Variants in TAFA1 observed in about 807,000 individuals in gnomAD.
The protein encoded by TAFA1 is TAFA chemokine like family member 1, also known as chemokine-like protein TAFA-1.
In TAFA1, 4 loss-of-function variants were observed where a neutral mutation model predicts 18.5. The observed-to-expected ratio is 0.22, with a 90% CI of 0.11 to 0.49. The LOEUF (loss-of-function observed/expected upper bound fraction) is 0.49. Among genes scored for constraint, TAFA1 ranks in the 20% least tolerant of loss-of-function variants. TAFA1 has a pLI of 0.98. For missense variants in TAFA1, 147 were observed against 169.0 expected, an observed-to-expected ratio of 0.87 and a Z score of 0.72; for synonymous variants, 56 against 55.2, an observed-to-expected ratio of 1.01 and a Z score of -0.06.
chr3:68,045,918 A>G (rs925392289), intron 2 of TAFA1, among the ~76,000 whole-genome samples: 2 of 152,224 alleles, frequency 1.3e-5, no homozygotes, highest in Admixed American at 1.3e-4. Flanking sequence ...GCTGTAAATA[A>G]TCTGAAGTAG....
chr3:68,459,540 A>G (rs977122501), intron 3 of TAFA1, among the ~76,000 whole-genome samples: 2 of 152,212 alleles, frequency 1.3e-5, no homozygotes. Flanking sequence ...TTTGTAAAAT[A>G]CAAGTTCTGA....
At chr3:68,128,960 G>T (rs1032777216) in intron 2 of TAFA1, among the ~76,000 whole-genome samples, 1 of 152,140 alleles carries the variant, frequency 6.6e-6, no homozygotes, top group Non-Finnish European at 1.5e-5. Context: ...TACCTCAGTA[G>T]GTCATTTCTC....
chr3:67,999,499 G>A (rs962914106), upstream of TAFA1, among the ~76,000 whole-genome samples: 1 of 152,042 alleles, frequency 6.6e-6, no homozygotes, highest in Non-Finnish European at 1.5e-5. Context: ...TCTCTTCTAG[G>A]TCCAATATAC....
At chr3:67,992,663 T>C in the TAFA1 span, among the ~76,000 whole-genome samples, 3 of 152,324 alleles carry the variant, frequency 2.0e-5, no homozygotes, top group South Asian at 4.1e-4. Context: ...GGCATGTTTG[T>C]ATTCCAGTAA....
At chr3:68,421,826 A>C (rs1462131645) in intron 3 of TAFA1, among the ~76,000 whole-genome samples, 1 of 152,094 alleles carries the variant, frequency 6.6e-6, no homozygotes, top group Non-Finnish European at 1.5e-5. Context: ...GCTTAGAGAG[A>C]AACTTTTTTT....
rs185061998 is a variant in TAFA1 at position 68,016,983 on chromosome 3, C to T, written c.118+10239C>T. 1.5e-4 allele frequency among the ~76,000 whole-genome samples: 23 copies of T among 152,270 alleles called. No individual in the cohort carries two copies. The East Asian group carries it at 4.2e-3, about 28-fold the overall frequency. On this transcript the variant is annotated intron_variant, in intron 2 of 4. Transcript: ENST00000478136. ...AAGTGAAGACAGGAATTAGATATTTCAACTACTGAGTGTGCTGTGGTCAAG... is the reference window on the plus strand; with the variant it reads ...AAGTGAAGACAGGAATTAGATATTTTAACTACTGAGTGTGCTGTGGTCAAG...
Position 68,346,032 on chromosome 3 carries a change from T to G in TAFA1, c.119-71248T>G, listed in dbSNP as rs941232028. On this transcript the variant is annotated intron_variant, in intron 2 of 4. Transcript: ENST00000478136. ...TCGCAGCTCTTTTTTTTACACTGTT[T>G]CCTTGGGACCTCACTAGCTGCATGT... Among the ~76,000 whole-genome samples the G allele has an allele frequency of 2.0e-5, 3 of 152,170 alleles. No individual in the cohort carries two copies. In the East Asian group the frequency reaches 5.8e-4, roughly 29 times the overall value.
chr3:68,360,789 T>C (rs2069454332), intron 2 of TAFA1, among the ~76,000 whole-genome samples: 1 of 152,038 alleles, frequency 6.6e-6, no homozygotes, highest in African/African-American at 2.4e-5. Context: ...CACTGTACTA[T>C]ACATTAGCAT....
At chr3:68,398,248 G>A (rs2070422390) in intron 2 of TAFA1, among the ~76,000 whole-genome samples, 1 of 152,030 alleles carries the variant, frequency 6.6e-6, no homozygotes, top group Non-Finnish European at 1.5e-5. Flanking sequence ...AATGAACAAA[G>A]GCATCAGAAA....
At chr3:68,488,406 C>T (rs2072387260) in intron 3 of TAFA1, among the ~76,000 whole-genome samples, 1 of 152,176 alleles carries the variant, frequency 6.6e-6, no homozygotes, top group East Asian at 1.9e-4. Flanking sequence ...ACCTTCAGTC[C>T]ACTGACTCAA....
At chr3:68,332,099 G>A (rs1009432913) in intron 2 of TAFA1, among the ~76,000 whole-genome samples, 4 of 151,628 alleles carry the variant, frequency 2.6e-5, no homozygotes, top group East Asian at 3.9e-4. Flanking sequence ...TCCTGACCTC[G>A]TGATCCGCCC....
chr3:68,241,157 G>A (rs1251110688), intron 2 of TAFA1, among the ~76,000 whole-genome samples: 1 of 151,928 alleles, frequency 6.6e-6, no homozygotes, highest in Non-Finnish European at 1.5e-5. Context: ...AAAAAATTAG[G>A]GTTGCAAAAT....
intron 3 of TAFA1, among the ~76,000 whole-genome samples, chr3:68,494,669 C>T (rs1359042374): frequency 6.6e-6 from 1 of 152,162 alleles, no homozygotes; most frequent in African/African-American, 2.4e-5. Context: ...CCTAATGATA[C>T]CTCACAAGCT....
At chr3:68,539,702 G>GT (rs1344824665) in intron 4 of TAFA1, among the ~76,000 whole-genome samples, 1 of 82,418 alleles carries the variant, frequency 1.2e-5, no homozygotes, top group Non-Finnish European at 2.3e-5. Flanking sequence ...GTGGGTGGGT[G>GT]GGTGTGTGCA....
At chr3:68,520,573 T>C (rs1039972) in intron 3 of TAFA1, among the ~76,000 whole-genome samples, 120,140 of 152,096 alleles carry the variant, frequency 0.79, 47,545 homozygotes, top group East Asian at 0.9. Flanking sequence ...TAACAGTTAG[T>C]ATTACTCCAT....
At chr3:68,038,600 T>G (rs1575586467) in intron 2 of TAFA1, among the ~76,000 whole-genome samples, 1 of 152,096 alleles carries the variant, frequency 6.6e-6, no homozygotes, top group African/African-American at 2.4e-5. Flanking sequence ...AGTATTAATC[T>G]ATAGAATCTA....
intron 4 of TAFA1, among the ~76,000 whole-genome samples, chr3:68,542,085 T>C (rs1413260898): frequency 2.0e-5 from 3 of 151,932 alleles, no homozygotes; most frequent in Non-Finnish European, 4.4e-5. Context: ...AAGGAGAAAA[T>C]ATAGGTGGAA....
At chr3:68,287,451 A>G (rs1050308302) in intron 2 of TAFA1, among the ~76,000 whole-genome samples, 2 of 151,608 alleles carry the variant, frequency 1.3e-5, no homozygotes, top group East Asian at 3.9e-4. Flanking sequence ...GTTATTGTGC[A>G]TGAAAATCAC....
chr3:68,120,173 CTTTCTTTCTTTCTTTCTTTCTTTCTTT>C (rs2065374395), intron 2 of TAFA1, among the ~76,000 whole-genome samples: 25 of 16,458 alleles, frequency 1.5e-3, no homozygotes, highest in South Asian at 3.6e-3. Context: ...CTTTCTTTCT[CTTTCTTTCTTTCTTTCTTTCTTTCTTT>C]CTTTCTTTCT....
Sources: gnomAD v4.1 joint callset for allele counts (sites outside exome capture counted in the v4.1 genomes callset) on GRCh38, gnomAD v4.1.1 for gene constraint, MANE v1.5 for transcripts, NCBI Gene and HGNC (gene_info 2026-07-23, HGNC 2026-07-21) for gene names.